The following ANK3 variants were observed in gnomAD, a reference collection of about 807,000 sequenced individuals.
The protein encoded by ANK3 is ankyrin 3, also known as ankyrin-3.
In ANK3, 57 loss-of-function variants were observed where a neutral mutation model predicts 370.9. The ratio of observed to expected loss-of-function variants is 0.15; its 90% CI spans 0.12 to 0.19. ANK3 has a LOEUF of 0.19. Ranked by LOEUF, ANK3 falls within the 10% of genes least tolerant of loss-of-function variation. The pLI is 1.00. For synonymous variants in ANK3, 1,929 were observed against 1,946.3 expected, an observed-to-expected ratio of 0.99 and a Z score of 0.23; for missense variants, 4,439 against 5,302.1, an observed-to-expected ratio of 0.84 and a Z score of 5.06.
chr10:60,211,892 CA>C (rs72238553), intron 9 of ANK3, among the ~76,000 whole-genome samples: 23,825 of 92,020 alleles, frequency 0.26, 1,844 homozygotes, highest in Admixed American at 0.31. Flanking sequence ...AATACAGAGC[CA>C]AAAAAAAAAA....
At chr10:60,515,823 A>G (rs2076204643) in intron 2 of ANK3, among the ~76,000 whole-genome samples, 1 of 152,156 alleles carries the variant, frequency 6.6e-6, no homozygotes, top group Admixed American at 6.6e-5. Flanking sequence ...TAAAAGCTAA[A>G]ATCATGTCAT....
intron 28 of ANK3, among the ~76,000 whole-genome samples, chr10:60,089,179 C>T (rs1051920910): frequency 3.3e-5 from 5 of 152,210 alleles, no homozygotes; most frequent in African/African-American, 1.2e-4. Flanking sequence ...GGAACTCAAC[C>T]TGTCCACAAA....
intron 2 of ANK3, among the ~76,000 whole-genome samples, chr10:60,559,706 C>T (rs1226155443): frequency 6.6e-6 from 1 of 152,006 alleles, no homozygotes; most frequent in Non-Finnish European, 1.5e-5. Flanking sequence ...GACCACAAGC[C>T]CATGATTAAA....
chr10:60,046,792 G>A (rs142746361), intron 42 of ANK3, among the ~76,000 whole-genome samples: 96 of 148,750 alleles, frequency 6.5e-4, no homozygotes, highest in African/African-American at 2.3e-3. Flanking sequence ...CTCTTCAATG[G>A]GAGAAAGTAA....
intron 33 of ANK3, 102 bp from the exon 34 acceptor site, chr10:60,082,839 G>A (rs1221882568): frequency 2.3e-6 from 3 of 1,321,108 alleles, no homozygotes; most frequent in Admixed American, 2.3e-5. Context: ...CCCTATGAGA[G>A]GCAGGAAAGG....
At chr10:60,544,862 T>A (rs1411249264) in intron 2 of ANK3, among the ~76,000 whole-genome samples, 2 of 151,966 alleles carry the variant, frequency 1.3e-5, no homozygotes, top group Non-Finnish European at 2.9e-5. Context: ...TTAACACAAA[T>A]CCATTTAAAA....
intron 40 of ANK3, 98 bp from the exon 41 acceptor site, chr10:60,059,528 A>AAGTT: frequency 7.9e-7 from 1 of 1,260,442 alleles, no homozygotes; most frequent in South Asian, 1.2e-5. Context: ...CTCCTTCTTC[A>AAGTT]AGTTGAATGT....
rs1051009308 is a variant in ANK3, at chr10:60,113,363, C to A, written c.2948+862G>T. ...CACAAATCATTTATCAAATCAAAGACCTGTATCATATGAGAAAAAAATGAC... is the reference window on the plus strand; with the variant it reads ...CACAAATCATTTATCAAATCAAAGAACTGTATCATATGAGAAAAAAATGAC... On this transcript the variant is annotated intron_variant, in intron 26 of 43. Transcript: ENST00000280772. Among the ~76,000 whole-genome samples, 3 of 152,010 alleles carry A rather than the reference C, an allele frequency of 2.0e-5. No individual in the cohort carries two copies. The East Asian group carries it at 5.8e-4, about 29-fold the overall frequency.
chr10:60,113,125 G>A (rs1360884120), intron 26 of ANK3, among the ~76,000 whole-genome samples: 1 of 152,018 alleles, frequency 6.6e-6, no homozygotes, highest in African/African-American at 2.4e-5. Context: ...ATTGACCAGG[G>A]AGGCAGGATG....
chr10:60,487,659 A>C (rs191218224), intron 2 of ANK3, among the ~76,000 whole-genome samples: 1 of 152,262 alleles, frequency 6.6e-6, no homozygotes, highest in East Asian at 1.9e-4. Flanking sequence ...TCTAGAAACT[A>C]GACCTAAGAT....
At chr10:60,628,183 C>T (rs2078436207) in intron 1 of ANK3, among the ~76,000 whole-genome samples, 1 of 152,098 alleles carries the variant, frequency 6.6e-6, no homozygotes, top group Admixed American at 6.6e-5. Flanking sequence ...TACTAATTCC[C>T]TTATCTGTAA....
At chr10:60,628,583 T>C (rs1216253949) in intron 1 of ANK3, among the ~76,000 whole-genome samples, 2 of 152,184 alleles carry the variant, frequency 1.3e-5, no homozygotes, top group African/African-American at 2.4e-5. Context: ...GGAAAGATTG[T>C]TGGAGAGCTC....
intron 25 of ANK3, among the ~76,000 whole-genome samples, chr10:60,125,616 C>CT (rs778793954): frequency 2.6e-5 from 4 of 152,106 alleles, no homozygotes; most frequent in Non-Finnish European, 5.9e-5. Context: ...CGTTTCTGAG[C>CT]ACCCCCCTTA....
intron 2 of ANK3, among the ~76,000 whole-genome samples, chr10:60,447,125 A>T (rs780059787): frequency 2.6e-5 from 4 of 152,156 alleles, no homozygotes; most frequent in Non-Finnish European, 2.9e-5. Flanking sequence ...CATCCCAGGC[A>T]TCTGTGCATA....
Position 60,071,984 on chromosome 10 carries a change from T to C in ANK3, c.8897A>G (p.Asp2966Gly). The change falls in exon 37 of 44, where the codon GAT becomes GGT. Residue 2966 changes from aspartate to glycine, a missense_variant. This residue lies in a region of ANK3 where 1,601 missense variants were observed against 1,731.7 expected (regional missense o/e 0.92). Coordinates refer to ENST00000280772, the MANE Select transcript of ANK3 (RefSeq NM_020987.5). ...ATTAGAAGACAGCATTCTCCTCTCA[T>C]CAGCAACTCTGACGGGAATGTGTGA... is the stretch of plus-strand genomic sequence containing the variant. Reference protein sequence around the residue: ...AVSHIPVRVADERRMLSSNIP... With the variant: ...AVSHIPVRVAGERRMLSSNIP... The C allele has an allele frequency of 6.2e-7, 1 of 1,614,122 alleles. No individual in the cohort carries two copies.
At chr10:60,079,273 G>A (rs936511086) in intron 36 of ANK3, among the ~76,000 whole-genome samples, 5 of 150,540 alleles carry the variant, frequency 3.3e-5, no homozygotes, top group Admixed American at 1.3e-4. Flanking sequence ...CAGCCCTTAT[G>A]TTTCTGGGAG....
At chr10:60,333,378 T>G (rs1442955110) in intron 1 of ANK3, among the ~76,000 whole-genome samples, 1 of 151,678 alleles carries the variant, frequency 6.6e-6, no homozygotes, top group Non-Finnish European at 1.5e-5. Flanking sequence ...CAACTCCCAC[T>G]TATGAGTGAG....
intron 16 of ANK3, 79 bp from the exon 17 acceptor site, chr10:60,186,991 CTCTT>C (rs2132366547): frequency 1.5e-6 from 2 of 1,366,976 alleles, no homozygotes; most frequent in East Asian, 2.3e-5. Context: ...TAGTTTATGT[CTCTT>C]TCTAGTGGTT....
At chr10:60,398,949 G>A (rs1007070621) in intron 2 of ANK3, among the ~76,000 whole-genome samples, 5 of 152,072 alleles carry the variant, frequency 3.3e-5, no homozygotes, top group African/African-American at 1.2e-4. Flanking sequence ...TATTTTATTT[G>A]TAATTTCCTA....
Sources: allele counts gnomAD v4.1 joint callset (sites outside exome capture counted in the v4.1 genomes callset), GRCh38; gene constraint gnomAD v4.1.1; regional missense constraint gnomAD v4.1.1; transcripts MANE v1.5; gene names NCBI Gene and HGNC (gene_info 2026-07-23, HGNC 2026-07-21).